Variants in NLK observed in about 807,000 individuals in gnomAD.
NLK encodes the protein serine/threonine-protein kinase NLK.
In NLK, 11 loss-of-function variants were observed where a neutral mutation model predicts 59.0. The observed-to-expected ratio is 0.19, with a 90% CI of 0.12 to 0.31. The LOEUF is 0.31. NLK is among the 10% of genes least tolerant of loss of function. The pLI is 1.00. For missense variants in NLK, 410 were observed against 661.1 expected (o/e 0.62, Z 4.16); for synonymous variants, 235 against 235.9 (o/e 1.00, Z 0.03).
intron 1 of NLK, among the ~76,000 whole-genome samples, chr17:28,061,051 T>A (rs1909615567): frequency 6.6e-6 from 1 of 152,142 alleles, no homozygotes; most frequent in South Asian, 2.1e-4. Context: ...TAAGATGGGG[T>A]CTGGCTCTGA....
In NLK at chr17:28,095,882, T is replaced by G. The variant is rs1294083412; in HGVS notation, c.459-26721T>G. Among the ~76,000 whole-genome samples the G allele has an allele frequency of 2.0e-5, 3 of 152,198 alleles. No homozygotes were observed. The East Asian group carries it at 5.8e-4, about 29-fold the overall frequency. On this transcript the variant is annotated intron_variant, in intron 1 of 10. Transcript: ENST00000407008. ...CTGGCTCAAATAGAAAAGTCATCTTTTTCCCAAGTGTGTTCCTGTCCTTTT... is the reference window on the plus strand; with the variant it reads ...CTGGCTCAAATAGAAAAGTCATCTTGTTCCCAAGTGTGTTCCTGTCCTTTT...
At chr17:28,176,823 T>C (rs1389120794) in intron 7 of NLK, among the ~76,000 whole-genome samples, 1 of 152,244 alleles carries the variant, frequency 6.6e-6, no homozygotes, top group African/African-American at 2.4e-5. Context: ...TATATTCATT[T>C]ATTTACATAT....
intron 1 of NLK, among the ~76,000 whole-genome samples, chr17:28,049,137 A>G (rs1011116762): frequency 6.6e-6 from 1 of 152,222 alleles, no homozygotes; most frequent in Non-Finnish European, 1.5e-5. Flanking sequence ...AGACATAGTC[A>G]GTAGTTGTAA....
intron 7 of NLK, among the ~76,000 whole-genome samples, chr17:28,181,089 A>C (rs1344585073): frequency 6.6e-6 from 1 of 151,966 alleles, no homozygotes; most frequent in Non-Finnish European, 1.5e-5. Context: ...CCCTGTCTCT[A>C]CAAAAAAATT....
chr17:28,059,861 G>A (rs375230697), intron 1 of NLK, among the ~76,000 whole-genome samples: 11 of 152,192 alleles, frequency 7.2e-5, no homozygotes, highest in East Asian at 1.9e-4. Flanking sequence ...GCACTAGCAC[G>A]CCCTTATATG....
At chr17:28,057,323 T>C (rs925858269) in intron 1 of NLK, among the ~76,000 whole-genome samples, 3 of 152,230 alleles carry the variant, frequency 2.0e-5, no homozygotes, top group South Asian at 2.1e-4. Flanking sequence ...TTAAGACTTA[T>C]ACAGTGTTAA....
chr17:28,164,587 C>T (rs1452832810), intron 5 of NLK, among the ~76,000 whole-genome samples: 1 of 152,070 alleles, frequency 6.6e-6, no homozygotes, highest in African/African-American at 2.4e-5. Flanking sequence ...TAAAAAGGGG[C>T]TTGCAAATAG....
intron 1 of NLK, among the ~76,000 whole-genome samples, chr17:28,105,166 G>A (rs1597682941): frequency 6.6e-6 from 1 of 152,134 alleles, no homozygotes; most frequent in African/African-American, 2.4e-5. Flanking sequence ...ACCTTGGTTC[G>A]AGGTTTCTGT....
chr17:28,137,777 C>T (rs1291486093), intron 3 of NLK, among the ~76,000 whole-genome samples: 3 of 152,010 alleles, frequency 2.0e-5, no homozygotes, highest in South Asian at 2.1e-4. Context: ...AAGTCAATAT[C>T]TAGACTGTAA....
chr17:28,050,366 A>G (rs974967598), intron 1 of NLK, among the ~76,000 whole-genome samples: 7 of 152,204 alleles, frequency 4.6e-5, no homozygotes, highest in South Asian at 2.1e-4. Flanking sequence ...CTAGAGCTCA[A>G]TCATGAAGAG....
chr17:28,193,959 T>C (rs1168467068), intron 10 of NLK, among the ~76,000 whole-genome samples: 1 of 152,198 alleles, frequency 6.6e-6, no homozygotes, highest in Non-Finnish European at 1.5e-5. Context: ...GTTACACTTT[T>C]CCCTCTCAAG....
At chr17:28,070,072 C>T (rs1409792906) in intron 1 of NLK, among the ~76,000 whole-genome samples, 2 of 151,792 alleles carry the variant, frequency 1.3e-5, no homozygotes, top group African/African-American at 2.4e-5. Context: ...CCTGTCTCTA[C>T]TAAAATTAGA....
intron 1 of NLK, among the ~76,000 whole-genome samples, chr17:28,097,151 G>T (rs141004392): frequency 1.2e-4 from 19 of 152,190 alleles, no homozygotes; most frequent in African/African-American, 4.6e-4. Flanking sequence ...AGACACCAAG[G>T]TACAAGATGC....
chr17:28,132,503 G>T (rs1333486683), intron 2 of NLK, 117 bp from the exon 3 acceptor site: 1 of 720,750 alleles, frequency 1.4e-6, no homozygotes, highest in African/African-American at 1.8e-5. Flanking sequence ...AATTTTCAGT[G>T]GGCAATTGTA....
rs1425118795 is a variant in NLK, at chr17:28,111,889, TGTGTGTG to T, written c.459-10706_459-10700del. Among the ~76,000 whole-genome samples, 9 of 119,482 alleles carry T rather than the reference TGTGTGTG, an allele frequency of 7.5e-5. 1 individual carries two copies. The highest frequency in any genetic ancestry group is 3.0e-4 in the African/African-American group (9 of 29,546). 78.4% of individuals were successfully genotyped at this position (119,482 alleles called of 152,430 possible). On this transcript the variant is annotated intron_variant, in intron 1 of 10. Transcript: ENST00000407008. Reference sequence around the variant, plus strand: ...GTGTGTGTGTGTGTGTGTGTGTGTGTGTGTGTGGTGTGTGTGTGTGTGTGTGTGTGTG... The same window carrying T: ...GTGTGTGTGTGTGTGTGTGTGTGTGTGTGTGTGTGTGTGTGTGTGTGTGTG...
chr17:28,201,091 GT>G (rs1043071678), downstream of NLK, among the ~76,000 whole-genome samples: 1 of 152,064 alleles, frequency 6.6e-6, no homozygotes, highest in African/African-American at 2.4e-5. Context: ...ATCACACTTT[GT>G]TTTTTTAGAC....
intron 8 of NLK, 28 bp from the exon 9 acceptor site, chr17:28,190,993 G>C: frequency 6.6e-7 from 1 of 1,513,204 alleles, no homozygotes; most frequent in Non-Finnish European, 9.0e-7. Flanking sequence ...CTGTAGTGTT[G>C]ATGTGCTGGT....
chr17:28,116,055 C>T (rs555084821), intron 1 of NLK, among the ~76,000 whole-genome samples: 135 of 152,198 alleles, frequency 8.9e-4, no homozygotes, highest in African/African-American at 3.1e-3. Flanking sequence ...TGTCATTTCA[C>T]CTATTTATAC....
At chr17:28,049,493 A>G (rs1222968593) in intron 1 of NLK, among the ~76,000 whole-genome samples, 2 of 152,144 alleles carry the variant, frequency 1.3e-5, no homozygotes, top group African/African-American at 4.8e-5. Flanking sequence ...GCGAACCTCT[A>G]TTAAGCTGCT....
Sources: allele counts gnomAD v4.1 joint callset (sites outside exome capture counted in the v4.1 genomes callset), GRCh38; gene constraint gnomAD v4.1.1; transcripts MANE v1.5; gene names NCBI Gene and HGNC (gene_info 2026-07-23, HGNC 2026-07-21).